The following KHDRBS2 variants were observed in gnomAD, a reference collection of about 807,000 sequenced individuals.
The protein encoded by KHDRBS2 is KH domain-containing, RNA-binding, signal transduction-associated protein 2.
KHDRBS2 carries 26 observed loss-of-function variants against 44.3 expected under a neutral mutation model. The observed-to-expected ratio is 0.59, with a 90% CI of 0.43 to 0.81. The LOEUF (loss-of-function observed/expected upper bound fraction) is 0.81, where lower values mean the gene tolerates loss of function less well. Among genes scored for constraint, KHDRBS2 ranks in the 40% least tolerant of loss-of-function variants. KHDRBS2 has a pLI of 0.00. For missense variants in KHDRBS2, 476 were observed against 433.1 expected, an observed-to-expected ratio of 1.10 and a Z score of -0.88; for synonymous variants, 194 against 151.1, an observed-to-expected ratio of 1.28 and a Z score of -2.08.
chr6:61,969,275 G>A (rs1161628346), intron 4 of KHDRBS2, among the ~76,000 whole-genome samples: 1 of 152,002 alleles, frequency 6.6e-6, no homozygotes, highest in East Asian at 1.9e-4. Flanking sequence ...ACATCATCTA[G>A]GTTCTAGAGA....
chr6:61,708,032 TAGAC>T (rs1366990116), intron 7 of KHDRBS2, among the ~76,000 whole-genome samples: 3 of 151,684 alleles, frequency 2.0e-5, no homozygotes, highest in African/African-American at 7.2e-5. Flanking sequence ...GCACATATTT[TAGAC>T]AGTTAATTTT....
At chr6:61,707,037 A>G (rs1464623260) in intron 7 of KHDRBS2, among the ~76,000 whole-genome samples, 5 of 151,854 alleles carry the variant, frequency 3.3e-5, no homozygotes, top group African/African-American at 1.2e-4. Context: ...AGGTAAAATT[A>G]TAGTTAAAGT....
intron 1 of KHDRBS2, among the ~76,000 whole-genome samples, chr6:62,228,492 G>A (rs1166569612): frequency 3.3e-5 from 5 of 151,800 alleles, no homozygotes; most frequent in South Asian, 2.1e-4. Context: ...TGGATTCATC[G>A]ATTTTTTGGA....
At chr6:61,560,900 A>C in the KHDRBS2 span, among the ~76,000 whole-genome samples, 3 of 152,090 alleles carry the variant, frequency 2.0e-5, no homozygotes, top group Non-Finnish European at 2.9e-5. Flanking sequence ...TGGGTATTGA[A>C]GAGTTAGGTA....
At chr6:62,080,812 G>A (rs1797245299) in intron 2 of KHDRBS2, among the ~76,000 whole-genome samples, 1 of 152,050 alleles carries the variant, frequency 6.6e-6, no homozygotes, top group Non-Finnish European at 1.5e-5. Context: ...GTAGGATAGA[G>A]TAACTGGAGT....
chr6:62,247,161 C>G (rs944402288), intron 1 of KHDRBS2, among the ~76,000 whole-genome samples: 3 of 151,970 alleles, frequency 2.0e-5, no homozygotes, highest in Non-Finnish European at 2.9e-5. Context: ...TAAAAATCTA[C>G]CTACTAGGGC....
intron 6 of KHDRBS2, among the ~76,000 whole-genome samples, chr6:61,794,117 G>A (rs1255870426): frequency 6.6e-6 from 1 of 152,094 alleles, no homozygotes; most frequent in Non-Finnish European, 1.5e-5. Context: ...GAGAGTTTTG[G>A]TATTACTAAG....
chr6:62,055,611 A>C (rs1197619390), intron 2 of KHDRBS2, among the ~76,000 whole-genome samples: 1 of 152,054 alleles, frequency 6.6e-6, no homozygotes. Context: ...AAGAGTATTC[A>C]GTCTCAATCC....
intron 7 of KHDRBS2, among the ~76,000 whole-genome samples, chr6:61,722,128 C>T (rs567306516): frequency 2.0e-4 from 30 of 152,196 alleles, no homozygotes; most frequent in Non-Finnish European, 3.8e-4. Context: ...AGGGATGAAG[C>T]CCACTTGATC....
Position 62,221,718 on chromosome 6 carries a change from C to T in KHDRBS2, c.92-44406G>A, listed in dbSNP as rs1351347699. 3.3e-5 allele frequency among the ~76,000 whole-genome samples: 5 copies of T among 152,098 alleles called. No homozygotes were observed. The South Asian group carries it at 6.2e-4, about 19-fold the overall frequency. On this transcript the variant is annotated intron_variant, in intron 1 of 8. Transcript: ENST00000281156. Reference sequence around the variant, plus strand: ...ATCACTGTTGTAGTCAAATTTCATCCTCTCAACAACTGATAAGTCAATCAG... The same window carrying T: ...ATCACTGTTGTAGTCAAATTTCATCTTCTCAACAACTGATAAGTCAATCAG...
rs556912732 is a variant in KHDRBS2, at chr6:62,249,704, A to C, written c.91+36154T>G. ...ACCGCCTGCTTGCTGTCCATATGAA[A>C]ACCAATGCATGACTTGTGTTCTATT... On this transcript the variant is annotated intron_variant, in intron 1 of 8. Transcript: ENST00000281156. 1.5e-4 allele frequency among the ~76,000 whole-genome samples: 23 copies of C among 152,190 alleles called. No individual in the cohort carries two copies. In the East Asian group the frequency reaches 3.3e-3, roughly 22 times the overall value.
At chr6:62,217,827 A>G (rs1211048940) in intron 1 of KHDRBS2, among the ~76,000 whole-genome samples, 1 of 151,934 alleles carries the variant, frequency 6.6e-6, no homozygotes, top group Non-Finnish European at 1.5e-5. Context: ...CTGAAAGTTT[A>G]TATAAGTGAA....
chr6:62,258,804 T>C (rs1837856016), intron 1 of KHDRBS2, among the ~76,000 whole-genome samples: 1 of 152,012 alleles, frequency 6.6e-6, no homozygotes, highest in Non-Finnish European at 1.5e-5. Flanking sequence ...AACCTGTACA[T>C]GAAAATAAGT....
chr6:62,048,796 G>A (rs944105898), intron 2 of KHDRBS2, among the ~76,000 whole-genome samples: 7 of 151,858 alleles, frequency 4.6e-5, no homozygotes, highest in African/African-American at 9.7e-5. Flanking sequence ...CCAAATGACC[G>A]AGGTAATAAT....
intron 2 of KHDRBS2, among the ~76,000 whole-genome samples, chr6:62,110,800 T>C (rs1363346449): frequency 6.6e-6 from 1 of 152,054 alleles, no homozygotes; most frequent in East Asian, 1.9e-4. Context: ...ATTATTTTGG[T>C]TGTAGTAATG....
At chr6:61,785,202 A>C (rs888021116) in intron 6 of KHDRBS2, among the ~76,000 whole-genome samples, 1 of 151,936 alleles carries the variant, frequency 6.6e-6, no homozygotes, top group Non-Finnish European at 1.5e-5. Context: ...CAATCAAAGA[A>C]AACAAAAAAG....
At chr6:61,672,532 G>T in the KHDRBS2 span, among the ~76,000 whole-genome samples, 2 of 152,008 alleles carry the variant, frequency 1.3e-5, no homozygotes, top group Non-Finnish European at 2.9e-5. Context: ...TTCAATGATT[G>T]CCATTCTAAC....
chr6:61,696,537 G>A (rs1008252790), intron 8 of KHDRBS2, among the ~76,000 whole-genome samples: 3 of 151,970 alleles, frequency 2.0e-5, no homozygotes, highest in African/African-American at 7.3e-5. Context: ...GATTACAGGG[G>A]TGAGCCACCA....
chr6:61,594,109 T>G, the KHDRBS2 span, among the ~76,000 whole-genome samples: 3 of 152,086 alleles, frequency 2.0e-5, no homozygotes, highest in African/African-American at 7.2e-5. Flanking sequence ...AGGGATTAGG[T>G]AGTGAAAAAG....
Sources: allele counts gnomAD v4.1 joint callset (sites outside exome capture counted in the v4.1 genomes callset), GRCh38; gene constraint gnomAD v4.1.1; transcripts MANE v1.5; gene names NCBI Gene and HGNC (gene_info 2026-07-23, HGNC 2026-07-21).